The following CADPS2 variants were observed in gnomAD, a reference collection of about 807,000 sequenced individuals.
The protein encoded by CADPS2 is calcium dependent secretion activator 2, also known as calcium-dependent secretion activator 2.
A neutral mutation model predicts 172.5 loss-of-function variants in CADPS2; 93 were observed. The observed-to-expected ratio is 0.54, with a 90% confidence interval of 0.46 to 0.64. The LOEUF (loss-of-function observed/expected upper bound fraction) is 0.64. Ranked by LOEUF, CADPS2 falls within the 30% of genes least tolerant of loss-of-function variation. The probability of loss-of-function intolerance (pLI) is 0.00; values close to 1 mark genes in which losing one functional copy is unlikely to be tolerated. For missense variants in CADPS2, 1,420 were observed against 1,565.9 expected (o/e 0.91, Z 1.57); for synonymous variants, 546 against 555.2 (o/e 0.98, Z 0.23).
intron 2 of CADPS2, among the ~76,000 whole-genome samples, chr7:122,664,689 C>T (rs1019964553): frequency 3.3e-5 from 5 of 152,130 alleles, no homozygotes; most frequent in South Asian, 2.1e-4. Flanking sequence ...TCTATGATGT[C>T]AAAAGACTCT....
intron 1 of CADPS2, among the ~76,000 whole-genome samples, chr7:122,771,794 C>T (rs369506226): frequency 2.0e-5 from 3 of 152,166 alleles, no homozygotes; most frequent in Admixed American, 6.5e-5. Context: ...TGCAGTAAGG[C>T]TAAAAAAGAG....
At chr7:122,837,623 A>T (rs556096590) in intron 1 of CADPS2, among the ~76,000 whole-genome samples, 2 of 152,372 alleles carry the variant, frequency 1.3e-5, no homozygotes, top group East Asian at 1.9e-4. Flanking sequence ...CAGAAATACA[A>T]ACTACCATCA....
At chr7:122,729,675 G>T (rs1310826069) in intron 2 of CADPS2, among the ~76,000 whole-genome samples, 1 of 95,030 alleles carries the variant, frequency 1.1e-5, no homozygotes, top group Admixed American at 1.3e-4. Context: ...CATTTTTAAC[G>T]GTTTTTTTTT....
intron 14 of CADPS2, among the ~76,000 whole-genome samples, chr7:122,453,021 G>A (rs2053326298): frequency 6.6e-6 from 1 of 152,112 alleles, no homozygotes; most frequent in Non-Finnish European, 1.5e-5. Context: ...ATTTAAGTAT[G>A]AGATTTTTTT....
intron 6 of CADPS2, among the ~76,000 whole-genome samples, chr7:122,612,852 A>G (rs759009739): frequency 1.1e-4 from 16 of 152,260 alleles, no homozygotes; most frequent in African/African-American, 2.4e-5. Flanking sequence ...AGACATATAG[A>G]TTGGTAAAAC....
intron 24 of CADPS2, among the ~76,000 whole-genome samples, chr7:122,383,019 A>G (rs952964158): frequency 1.3e-5 from 2 of 152,006 alleles, no homozygotes; most frequent in Admixed American, 1.3e-4. Context: ...AAAAACAAAA[A>G]CCACTTGAAC....
At chr7:122,571,695 G>A (rs562192476) in intron 7 of CADPS2, among the ~76,000 whole-genome samples, 3 of 152,268 alleles carry the variant, frequency 2.0e-5, no homozygotes, top group South Asian at 2.1e-4. Flanking sequence ...CCCTGTCTGC[G>A]CTCCTGCTTC....
At chr7:122,464,370 TAAATA>T (rs2152114057) in intron 14 of CADPS2, among the ~76,000 whole-genome samples, 1 of 152,258 alleles carries the variant, frequency 6.6e-6, no homozygotes, top group South Asian at 2.1e-4. Flanking sequence ...AACAAATGGT[TAAATA>T]AATAAATTGG....
chr7:122,706,091 AAT>A (rs1315237559), intron 2 of CADPS2, among the ~76,000 whole-genome samples: 13 of 45,898 alleles, frequency 2.8e-4, no homozygotes, highest in South Asian at 7.2e-4. Flanking sequence ...ATATTCAAGG[AAT>A]ATATATATAT....
chr7:122,541,648 T>G (rs937602490), intron 8 of CADPS2, among the ~76,000 whole-genome samples: 8 of 146,226 alleles, frequency 5.5e-5, no homozygotes, highest in African/African-American at 9.9e-5. Flanking sequence ...TTCATATATA[T>G]TCATATCTTT....
At chr7:122,435,372 T>C (rs1248681525) in intron 17 of CADPS2, among the ~76,000 whole-genome samples, 1 of 151,984 alleles carries the variant, frequency 6.6e-6, no homozygotes, top group Non-Finnish European at 1.5e-5. Context: ...TCAAAAGACA[T>C]ACAAATAAAT....
chr7:122,772,129 T>C (rs183752394), intron 1 of CADPS2, among the ~76,000 whole-genome samples: 23 of 152,288 alleles, frequency 1.5e-4, no homozygotes, highest in African/African-American at 4.1e-4. Flanking sequence ...GGAATGTTAA[T>C]GTAATACTGC....
rs71161313 is a variant in CADPS2, at chr7:122,637,171, CTTTTTTTTTTTTTTTTTTTTT to C, written c.787-7864_787-7844del. Among the ~76,000 whole-genome samples, 430 of 53,906 alleles carry C rather than the reference CTTTTTTTTTTTTTTTTTTTTT, an allele frequency of 8.0e-3. 12 individuals carry two copies. The highest frequency in any genetic ancestry group is 0.033 in the East Asian group (74 of 2,228). The allele number at this position is 53,906 out of a possible 152,430, so 35.4% of individuals were successfully genotyped here. ...CTTCTGACTGCATTATGAAATTTTG[CTTTTTTTTTTTTTTTTTTTTT>C]TTTTTTTTTTTTTTTTCCTGAGACA... On this transcript the variant is annotated intron_variant, in intron 3 of 29. Coordinates refer to ENST00000449022, the MANE Select transcript of CADPS2 (RefSeq NM_017954.11).
intron 3 of CADPS2, among the ~76,000 whole-genome samples, chr7:122,651,005 C>G (rs2079095633): frequency 6.6e-6 from 1 of 151,994 alleles, no homozygotes; most frequent in South Asian, 2.1e-4. Context: ...AAACACAAAT[C>G]TGCCATTTAA....
At chr7:122,413,112 T>TTC (rs1471718449) in intron 19 of CADPS2, 4 of 152,422 alleles carry the variant, frequency 2.6e-5, no homozygotes, top group Admixed American at 6.5e-5. Flanking sequence ...TGGGTCTGTT[T>TTC]TCTTATCAGC....
intron 2 of CADPS2, among the ~76,000 whole-genome samples, chr7:122,705,333 A>G (rs2136386690): frequency 6.7e-6 from 1 of 150,300 alleles, no homozygotes; most frequent in East Asian, 2.0e-4. Flanking sequence ...ATACATGGAC[A>G]TTCTTTCTAA....
Position 122,438,447 on chromosome 7 carries a change from A to T in CADPS2, c.2370T>A (p.Ile790=), listed in dbSNP as rs756417964. ...SLLERVLMKD[I]ATPIPAEEVK... The stretch of plus-strand genomic sequence containing the variant: ...CCTCTTCTGCTGGTATGGGAGTGGC[A>T]ATATCTTTCATTAAAACCTACAGAG... The change falls in exon 17 of 30, where the codon ATT becomes ATA. Residue 790 remains isoleucine (I), a synonymous_variant. Transcript: ENST00000449022. 6.2e-7 allele frequency: 1 copy of T among 1,612,884 alleles called. No individual in the cohort carries two copies. Among genetic ancestry groups the T allele is most frequent in the Non-Finnish European group, 8.5e-7 (1 of 1,179,276 alleles).
chr7:122,771,384 AC>A (rs1376655619), intron 1 of CADPS2, among the ~76,000 whole-genome samples: 1 of 152,186 alleles, frequency 6.6e-6, no homozygotes, highest in East Asian at 1.9e-4. Context: ...TATAATGAAG[AC>A]AATGGGTGCT....
Position 122,651,739 on chromosome 7 carries a change from A to G in CADPS2, c.786+11498T>C, listed in dbSNP as rs150696257. On this transcript the variant is annotated intron_variant, in intron 3 of 29. Transcript: ENST00000449022. ...TCAGTTAATGGAATGAGATTATAAA[A>G]GATTAATGAAAGCTGCTTTTGGCAG... Among the ~76,000 whole-genome samples the G allele has an allele frequency of 5.2e-4, 79 of 152,334 alleles. 1 individual carries two copies. The East Asian group carries it at 0.015, about 29-fold the overall frequency.
Sources: gnomAD v4.1 joint callset for allele counts (sites outside exome capture counted in the v4.1 genomes callset) on GRCh38, gnomAD v4.1.1 for gene constraint, MANE v1.5 for transcripts, NCBI Gene and HGNC (gene_info 2026-07-23, HGNC 2026-07-21) for gene names.